COPG2: variants seen among roughly 807,000 people sequenced by gnomAD.
COPG2 encodes the protein coatomer subunit gamma-2.
A neutral mutation model predicts 46.3 loss-of-function variants in COPG2; 37 were observed. That is an observed-to-expected ratio of 0.80 (90% CI 0.61 to 1.05). The LOEUF (loss-of-function observed/expected upper bound fraction) is 1.05. Among genes scored for constraint, COPG2 ranks in the 50% least tolerant of loss-of-function variants. COPG2 has a pLI of 0.00. For missense variants in COPG2, 427 were observed against 387.8 expected, an observed-to-expected ratio of 1.10 and a Z score of -0.85; for synonymous variants, 159 against 129.7, an observed-to-expected ratio of 1.23 and a Z score of -1.53.
At chr7:130,506,955 A>C in intron 23 of COPG2, 149 bp from the exon 24 acceptor site, 1 of 579,702 alleles carries the variant, frequency 1.7e-6, no homozygotes. Context: ...AACAAACATA[A>C]ATTCCAAATA....
intron 16 of COPG2, among the ~76,000 whole-genome samples, chr7:130,550,863 A>G (rs1483720852): frequency 3.3e-5 from 5 of 152,226 alleles, no homozygotes; most frequent in Non-Finnish European, 7.3e-5. Flanking sequence ...ATGGGAGCAT[A>G]GCATACACAT....
intron 12 of COPG2, among the ~76,000 whole-genome samples, chr7:130,560,095 T>G (rs1467462841): frequency 6.6e-6 from 1 of 152,144 alleles, no homozygotes; most frequent in Non-Finnish European, 1.5e-5. Flanking sequence ...AATGGCACAA[T>G]TATTTATATA....
intron 5 of COPG2, among the ~76,000 whole-genome samples, chr7:130,628,176 A>G (rs986070016): frequency 2.6e-5 from 4 of 152,070 alleles, no homozygotes; most frequent in African/African-American, 7.2e-5. Context: ...TATTCCTCAA[A>G]TCAGTCTGTG....
intron 5 of COPG2, among the ~76,000 whole-genome samples, chr7:130,636,892 T>C (rs1305960058): frequency 6.6e-6 from 1 of 152,230 alleles, no homozygotes; most frequent in Non-Finnish European, 1.5e-5. Flanking sequence ...AGTGCTCCTT[T>C]CAGGAGCTCT....
At chr7:130,577,786 A>AC (rs1339748509) in intron 9 of COPG2, among the ~76,000 whole-genome samples, 4 of 150,594 alleles carry the variant, frequency 2.7e-5, no homozygotes, top group African/African-American at 9.8e-5. Context: ...AAAAAAAAAA[A>AC]AACAAAAAAA....
chr7:130,647,686 T>C (rs1212399850), intron 5 of COPG2, among the ~76,000 whole-genome samples: 1 of 152,114 alleles, frequency 6.6e-6, no homozygotes, highest in Non-Finnish European at 1.5e-5. Flanking sequence ...TTGTCAAGCT[T>C]TTTTGTTGTA....
chr7:130,663,004 G>C lies in COPG2; in HGVS notation c.206C>G (p.Ala69Gly). 1 of 1,548,084 alleles carries C rather than the reference G, an allele frequency of 6.5e-7. No individual in the cohort carries two copies. Among genetic ancestry groups the C allele is most frequent in the Non-Finnish European group, 8.7e-7 (1 of 1,149,042 alleles). ...AAACAATCGCGTCATTGCAAAGAAG[G>C]CTTCTGTAGCTTCCGTTGTTCCAAA... is the stretch of plus-strand genomic sequence containing the variant. ...EHFGTTEATE[A>G]FFAMTRLFQS... The change falls in exon 4 of 24, where the codon GCC becomes GGC. Residue 69 changes from alanine (A) to glycine (G), a missense_variant. Physicochemically the swap from Ala to Gly is moderately conservative, Grantham distance 60 (BLOSUM62 0). Coordinates refer to ENST00000425248, the MANE Select transcript of COPG2 (RefSeq NM_012133.6).
intron 20 of COPG2, among the ~76,000 whole-genome samples, chr7:130,526,692 TG>T (rs1799777373): frequency 6.6e-6 from 1 of 151,334 alleles, no homozygotes; most frequent in African/African-American, 2.4e-5. Flanking sequence ...AGGTTCAGCA[TG>T]GGGAAGGGAA....
At chr7:130,557,840 C>CAAAAAA (rs1793655722) in intron 12 of COPG2, among the ~76,000 whole-genome samples, 2 of 22,436 alleles carry the variant, frequency 8.9e-5, no homozygotes, top group Non-Finnish European at 9.1e-5. Context: ...AAAAAAAAAT[C>CAAAAAA]ATGCAAGAAT....
At chr7:130,590,222 T>TCTCTCCCTCTCCCCACGGTCTCC (rs1447899498) in intron 9 of COPG2, among the ~76,000 whole-genome samples, 1,682 of 145,758 alleles carry the variant, frequency 0.012, 52 homozygotes, top group Middle Eastern at 0.047. Context: ...CCACGGTCTC[T>TCTCTCCCTCTCCCCACGGTCTCC]CTCTCCCTCT....
chr7:130,559,519 AGACT>A (rs1229998050), intron 12 of COPG2, among the ~76,000 whole-genome samples: 117 of 152,304 alleles, frequency 7.7e-4, no homozygotes, highest in Middle Eastern at 6.8e-3. Context: ...TGGAGCCCAA[AGACT>A]GACTGACTAT....
intron 16 of COPG2, among the ~76,000 whole-genome samples, chr7:130,550,935 T>C (rs1584970711): frequency 2.6e-5 from 4 of 152,204 alleles, no homozygotes; most frequent in African/African-American, 7.2e-5. Context: ...GGAACAATGA[T>C]AGCATAAGAA....
intron 20 of COPG2, among the ~76,000 whole-genome samples, chr7:130,529,427 G>T (rs905468544): frequency 4.6e-4 from 70 of 152,126 alleles, no homozygotes; most frequent in Non-Finnish European, 8.7e-4. Flanking sequence ...GAAGTTGATG[G>T]ACATAAAAAA....
chr7:130,532,341 G>A (rs1235819203), intron 20 of COPG2, among the ~76,000 whole-genome samples: 1 of 152,176 alleles, frequency 6.6e-6, no homozygotes, highest in Non-Finnish European at 1.5e-5. Context: ...TGTGGGCTGT[G>A]CGGGTGAGAG....
chr7:130,637,951 T>C (rs1469626712), intron 5 of COPG2, among the ~76,000 whole-genome samples: 1 of 152,214 alleles, frequency 6.6e-6, no homozygotes, highest in Non-Finnish European at 1.5e-5. Context: ...TCCTTTCTGT[T>C]TGTTAGTTTT....
At chr7:130,537,109 G>A (rs1799887865) in intron 20 of COPG2, among the ~76,000 whole-genome samples, 1 of 152,088 alleles carries the variant, frequency 6.6e-6, no homozygotes, top group Non-Finnish European at 1.5e-5. Flanking sequence ...ACGAGGATGG[G>A]CAGAAAGTGG....
At chr7:130,627,275 C>T (rs536840116) in intron 5 of COPG2, among the ~76,000 whole-genome samples, 4 of 152,280 alleles carry the variant, frequency 2.6e-5, no homozygotes, top group South Asian at 4.1e-4. Context: ...AAAAAGAGAA[C>T]GCAGATAAGC....
intron 9 of COPG2, chr7:130,602,833 C>G (rs1234331260): frequency 6.6e-6 from 1 of 152,092 alleles, no homozygotes; most frequent in Non-Finnish European, 1.5e-5. Flanking sequence ...GTCTCGCATC[C>G]AAGTACTAAC....
chr7:130,582,114 A>T (rs2116441395), intron 9 of COPG2, among the ~76,000 whole-genome samples: 1 of 149,250 alleles, frequency 6.7e-6, no homozygotes, highest in African/African-American at 2.4e-5. Flanking sequence ...AGGCTACAGT[A>T]ACCAAAACAG....
Sources: gnomAD v4.1 joint callset for allele counts (sites outside exome capture counted in the v4.1 genomes callset) on GRCh38, gnomAD v4.1.1 for gene constraint, MANE v1.5 for transcripts, NCBI Gene and HGNC (gene_info 2026-07-23, HGNC 2026-07-21) for gene names.